ABLIM1: variants seen among roughly 807,000 people sequenced by gnomAD.
The protein encoded by ABLIM1 is actin binding LIM protein 1, also known as actin-binding LIM protein 1.
Under a neutral mutation model 107.0 loss-of-function variants are expected in ABLIM1, and 40 were observed. The observed-to-expected ratio is 0.37, with a 90% CI of 0.29 to 0.49. ABLIM1 has a LOEUF of 0.49. ABLIM1 is among the 20% of genes least tolerant of loss of function. The pLI, the probability that ABLIM1 is intolerant of heterozygous loss-of-function variation, is 0.97. For missense variants in ABLIM1, 857 were observed against 1,008.5 expected, an observed-to-expected ratio of 0.85 and a Z score of 2.04; for synonymous variants, 357 against 357.3, an observed-to-expected ratio of 1.00 and a Z score of 0.01.
chr10:114,670,493 C>A (rs1016423888), intron 1 of ABLIM1, among the ~76,000 whole-genome samples: 9 of 152,130 alleles, frequency 5.9e-5, no homozygotes, highest in Admixed American at 2.0e-4. Flanking sequence ...AGCCAATTTT[C>A]TTTTTTTGTT....
chr10:114,764,673 T>C (rs1281237690), intron 1 of ABLIM1: 2 of 152,262 alleles, frequency 1.3e-5, no homozygotes, highest in African/African-American at 2.4e-5. Context: ...TTCCTTTTTT[T>C]AAACCAACCA....
At chr10:114,612,368 C>T (rs1014718319) in intron 1 of ABLIM1, among the ~76,000 whole-genome samples, 11 of 152,178 alleles carry the variant, frequency 7.2e-5, no homozygotes, top group African/African-American at 2.7e-4. Flanking sequence ...TTACCAGATA[C>T]AAATGTCTTG....
chr10:114,527,728 GCAAT>G (rs1184707685), intron 6 of ABLIM1, among the ~76,000 whole-genome samples: 1 of 148,874 alleles, frequency 6.7e-6, no homozygotes, highest in Non-Finnish European at 1.5e-5. Context: ...CGATCATAGC[GCAAT>G]CAGCTCACTG....
intron 1 of ABLIM1, among the ~76,000 whole-genome samples, chr10:114,670,508 G>A (rs1223919069): frequency 6.6e-6 from 1 of 151,616 alleles, no homozygotes; most frequent in Non-Finnish European, 1.5e-5. Flanking sequence ...TTTGTTTTTT[G>A]TCTGTTTCAG....
At chr10:114,651,611 T>A (rs2141094531) in intron 1 of ABLIM1, among the ~76,000 whole-genome samples, 1 of 152,192 alleles carries the variant, frequency 6.6e-6, no homozygotes, top group Admixed American at 6.5e-5. Flanking sequence ...TTGAAACGTA[T>A]GATTCTGGGA....
At chr10:114,626,525 A>G (rs2077811650) in intron 1 of ABLIM1, among the ~76,000 whole-genome samples, 1 of 152,250 alleles carries the variant, frequency 6.6e-6, no homozygotes, top group South Asian at 2.1e-4. Context: ...CTTAAGGTCT[A>G]TAAAACTGAG....
Position 114,547,608 on chromosome 10 carries a change from C to A in ABLIM1, c.800+42G>T, listed in dbSNP as rs763472708. 4 of 1,609,508 alleles carry A rather than the reference C, an allele frequency of 2.5e-6. No homozygotes were observed. The Admixed American group carries it at 5.0e-5, about 20-fold the overall frequency. ...GGACCTGCAGAAGAACCACAACGCC[C>A]GGTGCCCACTGAAAGGAACGCGTGC... On this transcript the variant is annotated intron_variant, in intron 5 of 22. Coordinates refer to ENST00000533213, the MANE Select transcript of ABLIM1 (RefSeq NM_002313.7).
intron 7 of ABLIM1, among the ~76,000 whole-genome samples, chr10:114,490,184 T>C (rs1488269158): frequency 6.6e-6 from 1 of 152,244 alleles, no homozygotes; most frequent in Admixed American, 6.5e-5. Flanking sequence ...TAAGGCCTGT[T>C]GTCCTTGGGA....
intron 1 of ABLIM1, among the ~76,000 whole-genome samples, chr10:114,704,997 C>T (rs537742489): frequency 6.6e-6 from 1 of 152,160 alleles, no homozygotes; most frequent in South Asian, 2.1e-4. Context: ...ATGGCTGTGC[C>T]TTGACATGGT....
At chr10:114,726,440 G>A (rs1021484304) in intron 1 of ABLIM1, among the ~76,000 whole-genome samples, 1 of 152,044 alleles carries the variant, frequency 6.6e-6, no homozygotes, top group Non-Finnish European at 1.5e-5. Flanking sequence ...AGGCAAAGGG[G>A]GAAGGAACAG....
chr10:114,704,271 G>GCTCTCTCT (rs1215619815), intron 1 of ABLIM1, among the ~76,000 whole-genome samples: 994 of 40,754 alleles, frequency 0.024, 98 homozygotes, highest in Non-Finnish European at 0.037. Context: ...TCTCTCTCTC[G>GCTCTCTCT]CTCTCTCTCT....
intron 6 of ABLIM1, among the ~76,000 whole-genome samples, chr10:114,518,530 T>G (rs2063253091): frequency 6.6e-6 from 1 of 150,858 alleles, no homozygotes; most frequent in Admixed American, 6.6e-5. Context: ...GCTTAGGGAG[T>G]AAGTGGAGAA....
intron 1 of ABLIM1, among the ~76,000 whole-genome samples, chr10:114,649,948 C>T (rs2079169550): frequency 6.6e-6 from 1 of 151,952 alleles, no homozygotes; most frequent in Admixed American, 6.6e-5. Flanking sequence ...CTCTGCCTCC[C>T]AGGTTCAAGC....
chr10:114,449,336 T>C (rs2061503891), intron 14 of ABLIM1, among the ~76,000 whole-genome samples: 1 of 152,214 alleles, frequency 6.6e-6, no homozygotes, highest in Non-Finnish European at 1.5e-5. Flanking sequence ...TATTTTAAAA[T>C]CTGGAAATAA....
chr10:114,740,547 T>C (rs2082265926), intron 1 of ABLIM1, among the ~76,000 whole-genome samples: 1 of 152,026 alleles, frequency 6.6e-6, no homozygotes, highest in African/African-American at 2.4e-5. Flanking sequence ...ATGGAAAATG[T>C]TTGAGTATGG....
chr10:114,450,429 TTCTTTC>T (rs1375662396), intron 14 of ABLIM1, among the ~76,000 whole-genome samples: 11 of 145,372 alleles, frequency 7.6e-5, no homozygotes, highest in Non-Finnish European at 1.6e-4. Flanking sequence ...TCTTCTTTCT[TTCTTTC>T]TTTTTTTTTT....
At chr10:114,605,247 G>A (rs1287045504) in intron 1 of ABLIM1, among the ~76,000 whole-genome samples, 5 of 152,144 alleles carry the variant, frequency 3.3e-5, no homozygotes, top group South Asian at 2.1e-4. Flanking sequence ...GAATAAAGAG[G>A]TTAACTTTAT....
chr10:114,743,300 A>C (rs1309614438), intron 1 of ABLIM1, among the ~76,000 whole-genome samples: 1 of 152,168 alleles, frequency 6.6e-6, no homozygotes, highest in East Asian at 1.9e-4. Flanking sequence ...GCCCTCAGTA[A>C]ATGGAAGAAC....
At chr10:114,769,398 AAAAG>A (rs1240427047), upstream of ABLIM1, among the ~76,000 whole-genome samples, 4 of 135,458 alleles carry the variant, frequency 3.0e-5, no homozygotes, top group Admixed American at 2.3e-4. Flanking sequence ...AGAAAGAAAG[AAAAG>A]AAAGAAAGAA....
Sources: gnomAD v4.1 joint callset for allele counts (sites outside exome capture counted in the v4.1 genomes callset) on GRCh38, gnomAD v4.1.1 for gene constraint, MANE v1.5 for transcripts, NCBI Gene and HGNC (gene_info 2026-07-23, HGNC 2026-07-21) for gene names.